The following EXOC6 variants were observed in gnomAD, a reference collection of about 807,000 sequenced individuals.
EXOC6 encodes the protein SEC15-like 1.
Under a neutral mutation model 112.5 loss-of-function variants are expected in EXOC6, and 60 were observed. The ratio of observed to expected loss-of-function variants is 0.53; its 90% CI spans 0.43 to 0.66. The LOEUF is 0.66. Among genes scored for constraint, EXOC6 ranks in the 30% least tolerant of loss-of-function variants. The probability of loss-of-function intolerance (pLI) is 0.00; values close to 1 mark genes in which losing one functional copy is unlikely to be tolerated. For synonymous variants in EXOC6, 295 were observed against 308.0 expected, an observed-to-expected ratio of 0.96 and a Z score of 0.44; for missense variants, 855 against 957.1, an observed-to-expected ratio of 0.89 and a Z score of 1.41.
chr10:92,880,048 T>G (rs1299330073), intron 1 of EXOC6, among the ~76,000 whole-genome samples: 1 of 152,236 alleles, frequency 6.6e-6, no homozygotes, highest in Non-Finnish European at 1.5e-5. Context: ...GAGTATGAGA[T>G]TCACATCATA....
intron 20 of EXOC6, among the ~76,000 whole-genome samples, chr10:93,038,212 A>G (rs1665339786): frequency 6.6e-6 from 1 of 152,032 alleles, no homozygotes; most frequent in South Asian, 2.1e-4. Context: ...TTTACATACT[A>G]GTGGATATTA....
chr10:92,995,072 A>G, intron 18 of EXOC6, among the ~76,000 whole-genome samples: 1 of 152,040 alleles, frequency 6.6e-6, no homozygotes, highest in East Asian at 1.9e-4. Flanking sequence ...GAAGATTTAT[A>G]AAATATTTTA....
At chr10:93,031,032 A>C (rs1174408351) in intron 20 of EXOC6, among the ~76,000 whole-genome samples, 1 of 152,160 alleles carries the variant, frequency 6.6e-6, no homozygotes, top group Non-Finnish European at 1.5e-5. Flanking sequence ...GAACTTACAG[A>C]TATTTTTGGC....
At chr10:92,991,531 T>G (rs575051902) in intron 18 of EXOC6, among the ~76,000 whole-genome samples, 5 of 152,184 alleles carry the variant, frequency 3.3e-5, no homozygotes, top group African/African-American at 1.2e-4. Flanking sequence ...GCTAAAAATT[T>G]GGATACTGCA....
intron 20 of EXOC6, among the ~76,000 whole-genome samples, chr10:93,054,669 C>T (rs1398440311): frequency 2.0e-5 from 3 of 152,156 alleles, no homozygotes; most frequent in East Asian, 1.9e-4. Flanking sequence ...GGAGTTGGTG[C>T]GGGTTTTTCA....
chr10:92,897,343 A>G (rs748570922), intron 4 of EXOC6, among the ~76,000 whole-genome samples: 3 of 152,172 alleles, frequency 2.0e-5, no homozygotes, highest in East Asian at 1.9e-4. Context: ...TTTCTGTCCT[A>G]CTATCCACTT....
At chr10:93,052,771 A>G (rs1366127198) in intron 20 of EXOC6, among the ~76,000 whole-genome samples, 3 of 152,192 alleles carry the variant, frequency 2.0e-5, no homozygotes, top group Non-Finnish European at 2.9e-5. Flanking sequence ...TTTCATTATC[A>G]TATGCCTGAC....
chr10:93,012,355 G>A (rs553935716), intron 19 of EXOC6, among the ~76,000 whole-genome samples: 9 of 152,272 alleles, frequency 5.9e-5, no homozygotes, highest in Non-Finnish European at 8.8e-5. Flanking sequence ...CTCAAATAGC[G>A]CAGCTTTTTA....
intron 16 of EXOC6, 32 bp from the exon 17 acceptor site, chr10:92,955,548 G>A (rs746139048): frequency 1.9e-6 from 3 of 1,577,672 alleles, no homozygotes; most frequent in Non-Finnish European, 2.6e-6. Context: ...CATGTAACCT[G>A]TATTTTACTA....
intron 20 of EXOC6, among the ~76,000 whole-genome samples, chr10:93,046,808 G>A (rs909047182): frequency 6.6e-6 from 1 of 152,054 alleles, no homozygotes; most frequent in Non-Finnish European, 1.5e-5. Context: ...ATGTTGGCCA[G>A]GCTGGTCTTG....
intron 1 of EXOC6, among the ~76,000 whole-genome samples, chr10:92,867,943 A>G (rs747387208): frequency 6.6e-6 from 1 of 152,180 alleles, no homozygotes; most frequent in Non-Finnish European, 1.5e-5. Context: ...GATAACCCCA[A>G]AATATGCTAG....
At chr10:92,987,812 T>G (rs1843070080) in intron 18 of EXOC6, among the ~76,000 whole-genome samples, 1 of 152,158 alleles carries the variant, frequency 6.6e-6, no homozygotes, top group African/African-American at 2.4e-5. Flanking sequence ...ATTAGTTGTT[T>G]GTGAAGCAGT....
chr10:92,970,583 A>T (rs1015588356), intron 17 of EXOC6, among the ~76,000 whole-genome samples: 1 of 152,226 alleles, frequency 6.6e-6, no homozygotes, highest in African/African-American at 2.4e-5. Context: ...TTAAAATTTC[A>T]ATTCATATAA....
chr10:92,962,039 G>A (rs534892075), intron 17 of EXOC6, among the ~76,000 whole-genome samples: 1 of 152,280 alleles, frequency 6.6e-6, no homozygotes, highest in South Asian at 2.1e-4. Flanking sequence ...AGTGACCTGT[G>A]ACAATCTCAG....
At chr10:93,007,624 G>A (rs1844055450) in intron 19 of EXOC6, among the ~76,000 whole-genome samples, 1 of 152,186 alleles carries the variant, frequency 6.6e-6, no homozygotes, top group Non-Finnish European at 1.5e-5. Flanking sequence ...CTGCACTCCA[G>A]GCTGGACAGC....
At chr10:92,897,613 C>T (rs1007743311) in intron 4 of EXOC6, among the ~76,000 whole-genome samples, 4 of 152,138 alleles carry the variant, frequency 2.6e-5, no homozygotes, top group Non-Finnish European at 5.9e-5. Flanking sequence ...TCCTTATGGA[C>T]AAAGGACAGA....
chr10:92,891,913 T>C (rs1348100627), intron 1 of EXOC6, among the ~76,000 whole-genome samples: 1 of 152,184 alleles, frequency 6.6e-6, no homozygotes, highest in African/African-American at 2.4e-5. Context: ...ACAAAATATA[T>C]TTTAAATACA....
At chr10:92,927,822 A>G (rs984494164) in intron 8 of EXOC6, among the ~76,000 whole-genome samples, 2 of 152,222 alleles carry the variant, frequency 1.3e-5, no homozygotes, top group Non-Finnish European at 2.9e-5. Flanking sequence ...AAGGATGAGT[A>G]AAAAATCATA....
intron 20 of EXOC6, among the ~76,000 whole-genome samples, chr10:93,045,842 A>T (rs1054775180): frequency 6.6e-6 from 1 of 152,218 alleles, no homozygotes; most frequent in Admixed American, 6.5e-5. Context: ...TTTATTTAAC[A>T]TGTTTGATGG....
Sources: gnomAD v4.1 joint callset for allele counts (sites outside exome capture counted in the v4.1 genomes callset) on GRCh38, gnomAD v4.1.1 for gene constraint, MANE v1.5 for transcripts, NCBI Gene and HGNC (gene_info 2026-07-23, HGNC 2026-07-21) for gene names.